The following ATXN8OS variants were observed in gnomAD, a reference collection of about 807,000 sequenced individuals.
ATXN8OS encodes ATXN8 opposite strand lncRNA.
chr13:70,120,997 A>T (rs886873097), intron 2 of ATXN8OS, among the ~76,000 whole-genome samples: 1 of 152,032 alleles, frequency 6.6e-6, no homozygotes, highest in South Asian at 2.1e-4. Flanking sequence ...GGTGCAGCAC[A>T]CCAACATGGC....
intron 3 of ATXN8OS, among the ~76,000 whole-genome samples, chr13:70,142,089 G>A (rs1888725964): frequency 6.6e-6 from 1 of 152,036 alleles, no homozygotes; most frequent in Non-Finnish European, 1.5e-5. Flanking sequence ...TCTCCATGTT[G>A]ACCAGGCTGG....
intron 3 of ATXN8OS, among the ~76,000 whole-genome samples, chr13:70,138,438 CA>C (rs1593767645): frequency 6.6e-6 from 1 of 151,894 alleles, no homozygotes; most frequent in East Asian, 1.9e-4. Flanking sequence ...TTTTAAAATG[CA>C]AAAAATAGGT....
chr13:70,149,538 T>C (rs1888836685), intron 4 of ATXN8OS, among the ~76,000 whole-genome samples: 1 of 152,190 alleles, frequency 6.6e-6, no homozygotes, highest in Admixed American at 6.6e-5. Flanking sequence ...ATCCTTATTT[T>C]ACACACATAA....
intron 3 of ATXN8OS, among the ~76,000 whole-genome samples, chr13:70,132,813 C>T (rs1483465116): frequency 6.6e-6 from 1 of 151,694 alleles, no homozygotes; most frequent in African/African-American, 2.4e-5. Flanking sequence ...TATAAATGTG[C>T]ATATTAGTCA....
At chr13:70,112,123 A>G (rs1461884960) in intron 1 of ATXN8OS, among the ~76,000 whole-genome samples, 1 of 152,170 alleles carries the variant, frequency 6.6e-6, no homozygotes, top group Non-Finnish European at 1.5e-5. Flanking sequence ...CAGGAAGAAG[A>G]GAGAGCTAAT....
chr13:70,151,307 AC>A (rs1404824525), intron 4 of ATXN8OS, among the ~76,000 whole-genome samples: 1 of 151,874 alleles, frequency 6.6e-6, no homozygotes, highest in East Asian at 1.9e-4. Context: ...TTCTTCTTCC[AC>A]CCTTCCCCCG....
intron 2 of ATXN8OS, among the ~76,000 whole-genome samples, chr13:70,128,416 T>C (rs1325843044): frequency 6.6e-6 from 1 of 152,138 alleles, no homozygotes; most frequent in Non-Finnish European, 1.5e-5. Context: ...CACTTAACTC[T>C]GTTGAAGGAA....
chr13:70,137,915 A>C (rs1399021471), intron 3 of ATXN8OS, among the ~76,000 whole-genome samples: 1 of 152,212 alleles, frequency 6.6e-6, no homozygotes, highest in Non-Finnish European at 1.5e-5. Flanking sequence ...AAACTTACAA[A>C]CAAGACAGAA....
chr13:70,144,576 C>A (rs911106643), intron 3 of ATXN8OS, among the ~76,000 whole-genome samples: 6 of 152,060 alleles, frequency 3.9e-5, no homozygotes, highest in African/African-American at 1.4e-4. Context: ...TTTAAGAGTT[C>A]TTTTTATATT....
intron 4 of ATXN8OS, among the ~76,000 whole-genome samples, chr13:70,161,807 G>T (rs1889011732): frequency 6.6e-6 from 1 of 151,780 alleles, no homozygotes; most frequent in Non-Finnish European, 1.5e-5. Flanking sequence ...TGCAAACAAT[G>T]AATCCTAATG....
At chr13:70,164,852 T>G (rs1889060527) in intron 4 of ATXN8OS, among the ~76,000 whole-genome samples, 2 of 151,994 alleles carry the variant, frequency 1.3e-5, no homozygotes, top group African/African-American at 4.8e-5. Context: ...TTCAACTATG[T>G]GCAATAACTG....
chr13:70,162,849 T>A (rs1566619818), intron 4 of ATXN8OS, among the ~76,000 whole-genome samples: 1 of 152,072 alleles, frequency 6.6e-6, no homozygotes, highest in Non-Finnish European at 1.5e-5. Flanking sequence ...TTACACTAAT[T>A]TTTTAGATCT....
At chr13:70,108,136 G>C (rs185573563) in intron 1 of ATXN8OS, 14 of 403,710 alleles carry the variant, frequency 3.5e-5, no homozygotes, top group Non-Finnish European at 5.7e-5. Context: ...CAGAGCCTTA[G>C]TAGGGAAGGT....
rs544728719 is a variant in ATXN8OS at position 70,169,820 on chromosome 13, A to C, written n.641A>C. On this transcript the variant is annotated non_coding_transcript_exon_variant, in exon 5 of 5. Transcript: ENST00000678624. Reference sequence around the variant, plus strand: ...CTACAGTCACTGGCTGGCTAATGTGAGAAGATTAAGTCCTGGTCCTTGCCT... The same window carrying C: ...CTACAGTCACTGGCTGGCTAATGTGCGAAGATTAAGTCCTGGTCCTTGCCT... 3.0e-4 allele frequency among the ~76,000 whole-genome samples: 45 copies of C among 152,194 alleles called. 1 individual carries two copies. The South Asian group carries it at 9.1e-3, about 31-fold the overall frequency.
intron 1 of ATXN8OS, chr13:70,108,237 C>G (rs1888126742): frequency 2.6e-6 from 1 of 389,564 alleles, no homozygotes; most frequent in Non-Finnish European, 4.5e-6. Flanking sequence ...TACCCCTCGC[C>G]AGATCTCTTG....
intron 4 of ATXN8OS, among the ~76,000 whole-genome samples, chr13:70,156,266 T>C (rs969213752): frequency 1.3e-5 from 2 of 151,972 alleles, no homozygotes; most frequent in African/African-American, 2.4e-5. Flanking sequence ...TGTGTGTGTG[T>C]GTGTTTATAT....
intron 3 of ATXN8OS, among the ~76,000 whole-genome samples, chr13:70,146,514 C>A (rs1888788890): frequency 1.3e-5 from 2 of 152,056 alleles, no homozygotes; most frequent in Admixed American, 1.3e-4. Flanking sequence ...GAAACCAACC[C>A]AAATGTCCAA....
At chr13:70,146,803 T>C (rs1200366562) in intron 3 of ATXN8OS, among the ~76,000 whole-genome samples, 1 of 151,690 alleles carries the variant, frequency 6.6e-6, no homozygotes, top group Non-Finnish European at 1.5e-5. Context: ...TTAGGAGATA[T>C]ACCTAATGCT....
At chr13:70,162,905 C>T (rs1889027830) in intron 4 of ATXN8OS, among the ~76,000 whole-genome samples, 1 of 152,044 alleles carries the variant, frequency 6.6e-6, no homozygotes, top group Non-Finnish European at 1.5e-5. Context: ...GAACTAAAGG[C>T]AACTTTACCC....
Sources: allele counts gnomAD v4.1 joint callset (sites outside exome capture counted in the v4.1 genomes callset), GRCh38; gene constraint gnomAD v4.1.1; transcripts MANE v1.5; gene names NCBI Gene and HGNC (gene_info 2026-07-23, HGNC 2026-07-21).